Variants in ESR2 observed in about 807,000 individuals in gnomAD.
ESR2 encodes estrogen receptor 2, also known as estrogen receptor beta.
In ESR2, 36 loss-of-function variants were observed where a neutral mutation model predicts 49.6. The observed-to-expected ratio is 0.73, with a 90% CI of 0.56 to 0.96. The LOEUF (loss-of-function observed/expected upper bound fraction) is 0.96, where lower values mean the gene tolerates loss of function less well. ESR2 is among the 40% of genes least tolerant of loss of function. ESR2 has a pLI of 0.00. For synonymous variants in ESR2, 320 were observed against 266.1 expected (o/e 1.20, Z -1.97); for missense variants, 714 against 693.0 (o/e 1.03, Z -0.34).
chr14:64,324,768 T>C (rs916042339), intron 1 of ESR2, among the ~76,000 whole-genome samples: 36 of 152,180 alleles, frequency 2.4e-4, no homozygotes, highest in Admixed American at 1.5e-3. Context: ...GTGGGGACAA[T>C]AAATTAGTAA....
At chr14:64,241,844 A>C (rs1289090576) in intron 7 of ESR2, among the ~76,000 whole-genome samples, 2 of 152,202 alleles carry the variant, frequency 1.3e-5, no homozygotes, top group East Asian at 3.8e-4. Flanking sequence ...GTTTTTAAAT[A>C]AAGACTTTCA....
chr14:64,334,560 C>A (rs2077505593), intron 1 of ESR2, among the ~76,000 whole-genome samples: 2 of 152,202 alleles, frequency 1.3e-5, no homozygotes, highest in African/African-American at 4.8e-5. Flanking sequence ...ATATTCTACA[C>A]ATAGAAGCAA....
upstream of ESR2, among the ~76,000 whole-genome samples, chr14:64,296,004 AC>A (rs1378427346): frequency 7.0e-6 from 1 of 142,404 alleles, no homozygotes; most frequent in African/African-American, 2.7e-5. Context: ...AGATCGCGCC[AC>A]TGCATTCCAG....
At chr14:64,236,392 T>C (rs1227149585) in intron 7 of ESR2, among the ~76,000 whole-genome samples, 1 of 151,940 alleles carries the variant, frequency 6.6e-6, no homozygotes, top group Admixed American at 6.6e-5. Flanking sequence ...GCCCCAGAGA[T>C]GACTTGCCCT....
At chr14:64,294,682 C>T (rs1368673751), upstream of ESR2, among the ~76,000 whole-genome samples, 2 of 152,212 alleles carry the variant, frequency 1.3e-5, no homozygotes, top group Non-Finnish European at 2.9e-5. Context: ...GACCACACTT[C>T]GAGGATCACG....
At chr14:64,304,697 T>C (rs1442626268) in intron 1 of ESR2, among the ~76,000 whole-genome samples, 5 of 151,960 alleles carry the variant, frequency 3.3e-5, no homozygotes, top group African/African-American at 1.2e-4. Flanking sequence ...AGTGAGACCA[T>C]GTCTCTGCAA....
At chr14:64,227,493 A>G (rs1371863975), downstream of ESR2, 2 of 1,605,254 alleles carry the variant, frequency 1.2e-6, no homozygotes, top group Non-Finnish European at 1.7e-6. Context: ...TGAAAATGTT[A>G]CCCAAGATTT....
intron 1 of ESR2, among the ~76,000 whole-genome samples, chr14:64,325,188 C>T (rs185534908): frequency 2.6e-3 from 392 of 152,288 alleles, no homozygotes; most frequent in Non-Finnish European, 4.1e-3. Context: ...CATGCAAAAT[C>T]CTCAATTATT....
chr14:64,263,235 C>T (rs943124004), intron 4 of ESR2, among the ~76,000 whole-genome samples: 3 of 152,018 alleles, frequency 2.0e-5, no homozygotes, highest in Admixed American at 1.3e-4. Context: ...GCAAAATTAA[C>T]CAAATAAATT....
chr14:64,320,588 C>T (rs2077313882), intron 1 of ESR2, among the ~76,000 whole-genome samples: 2 of 152,036 alleles, frequency 1.3e-5, no homozygotes, highest in South Asian at 4.2e-4. Flanking sequence ...AAACCCCGGA[C>T]TTTAGTTAAT....
chr14:64,233,389 C>A, intron 8 of ESR2, 66 bp from the exon 9 acceptor site: 1 of 1,515,074 alleles, frequency 6.6e-7, no homozygotes, highest in South Asian at 1.2e-5. Flanking sequence ...CGAAGCCTTC[C>A]CCGGCTCTCT....
At chr14:64,251,691 C>T (rs886101787) in intron 6 of ESR2, among the ~76,000 whole-genome samples, 2 of 152,154 alleles carry the variant, frequency 1.3e-5, no homozygotes, top group African/African-American at 2.4e-5. Context: ...AATTTCTAAA[C>T]AAAGTCTAAA....
rs749716786 is a variant in ESR2, at chr14:64,280,111, G to C, written c.405C>G (p.Ser135Arg). Residue 135 changes from serine (S) to arginine (R), a missense_variant, in exon 3 of 9, where the codon AGC becomes AGG. Ser to Arg is a moderately radical substitution (Grantham distance 110). Transcript: ENST00000341099. ...KRKVSGNRCA[S>R]PVTGPGSKRD... The stretch of plus-strand genomic sequence containing the variant: ...TCTTTGAACCTGGACCAGTAACAGG[G>C]CTGGCGCAACGGTTCCCACTAACCT... The C allele has an allele frequency of 6.2e-7, 1 of 1,614,126 alleles. No individual in the cohort carries two copies. Among genetic ancestry groups the C allele is most frequent in the Non-Finnish European group, 8.5e-7 (1 of 1,179,984 alleles).
At chr14:64,317,969 A>G (rs2077278322) in intron 1 of ESR2, among the ~76,000 whole-genome samples, 1 of 152,196 alleles carries the variant, frequency 6.6e-6, no homozygotes, top group Non-Finnish European at 1.5e-5. Flanking sequence ...TATTGTTCTT[A>G]TTCAGTACAA....
chr14:64,259,916 G>A (rs1242079103), intron 5 of ESR2, among the ~76,000 whole-genome samples: 1 of 152,100 alleles, frequency 6.6e-6, no homozygotes, highest in Non-Finnish European at 1.5e-5. Flanking sequence ...CCACAGCCAA[G>A]AAATGGGTCA....
intron 7 of ESR2, among the ~76,000 whole-genome samples, chr14:64,242,479 GT>G (rs1208306672): frequency 2.0e-5 from 3 of 149,826 alleles, no homozygotes; most frequent in African/African-American, 7.3e-5. Context: ...AAATCATATG[GT>G]TTTTCATTAT....
chr14:64,305,931 C>T (rs1241370407), intron 1 of ESR2, among the ~76,000 whole-genome samples: 1 of 151,872 alleles, frequency 6.6e-6, no homozygotes, highest in Non-Finnish European at 1.5e-5. Context: ...GAAAAATAGG[C>T]CGGGCACGGT....
intron 1 of ESR2, among the ~76,000 whole-genome samples, chr14:64,310,295 T>A (rs901316769): frequency 5.5e-5 from 8 of 146,138 alleles, no homozygotes; most frequent in African/African-American, 1.8e-4. Context: ...AAAATAATAA[T>A]AATAATAATA....
intron 4 of ESR2, among the ~76,000 whole-genome samples, chr14:64,265,561 G>GTA (rs1447923055): frequency 6.6e-6 from 1 of 152,206 alleles, no homozygotes; most frequent in East Asian, 1.9e-4. Context: ...TCACAGAAGA[G>GTA]TATACAGCAG....
Sources: gnomAD v4.1 joint callset for allele counts (sites outside exome capture counted in the v4.1 genomes callset) on GRCh38, gnomAD v4.1.1 for gene constraint, MANE v1.5 for transcripts, NCBI Gene and HGNC (gene_info 2026-07-23, HGNC 2026-07-21) for gene names.